The following ZNF254 variants were observed in gnomAD, a reference collection of about 807,000 sequenced individuals.
ZNF254 encodes zinc finger protein 254.
A neutral mutation model predicts 12.4 loss-of-function variants in ZNF254; 10 were observed. That is an observed-to-expected ratio of 0.80 (90% confidence interval 0.50 to 1.36). The LOEUF is 1.36. Ranked by LOEUF, ZNF254 falls within the 40% of genes most tolerant of loss-of-function variation. The pLI is 0.00. For missense variants in ZNF254, 996 were observed against 763.9 expected, an observed-to-expected ratio of 1.30 and a Z score of -3.58; for synonymous variants, 305 against 253.4, an observed-to-expected ratio of 1.20 and a Z score of -1.93.
intron 1 of ZNF254, among the ~76,000 whole-genome samples, chr19:24,040,098 G>C (rs968729328): frequency 6.6e-6 from 1 of 152,126 alleles, no homozygotes; most frequent in Non-Finnish European, 1.5e-5. Flanking sequence ...GAGAAGCTGA[G>C]GGCCAACTCC....
At chr19:24,109,164 C>T (rs1011659713) in intron 3 of ZNF254, among the ~76,000 whole-genome samples, 10 of 152,142 alleles carry the variant, frequency 6.6e-5, no homozygotes, top group Non-Finnish European at 1.3e-4. Flanking sequence ...TGTAAAATAA[C>T]ATGTATTTAA....
In ZNF254 at chr19:24,129,719, C is replaced by T. The variant is rs1975113281; in HGVS notation, c.*1739C>T. On this transcript the variant is annotated 3_prime_UTR_variant, in exon 4 of 4. Transcript: ENST00000357002. Reference sequence around the variant, plus strand: ...TTTTATTACAAGCAATTCAATTGTACACTTTTAGTTATTTTTAAATTTACA... The same window carrying T: ...TTTTATTACAAGCAATTCAATTGTATACTTTTAGTTATTTTTAAATTTACA... 1 of 151,934 alleles carries T rather than the reference C, an allele frequency of 6.6e-6. No homozygotes were observed. Among genetic ancestry groups the T allele is most frequent in the Non-Finnish European group, 1.5e-5 (1 of 67,918 alleles). 9.4% of individuals were successfully genotyped at this position (151,934 alleles called of 1,614,324 possible). A position where few individuals can be genotyped will look rare whatever the true frequency, so the allele number is the denominator to read the frequency against.
At position 24,116,696 on chromosome 19, in the gene ZNF254, C is replaced by T. The variant is rs12611101; in HGVS notation, c.254-9558C>T. On this transcript the variant is annotated intron_variant, in intron 3 of 3. Transcript: ENST00000357002. ...CATCTGAAGGCTTCTTCTCTCAACTCGTCAAAGTCATTCTCCACCCAGCTT... is the reference window on the plus strand; with the variant it reads ...CATCTGAAGGCTTCTTCTCTCAACTTGTCAAAGTCATTCTCCACCCAGCTT... Among the ~76,000 whole-genome samples, 25 of 152,286 alleles carry T rather than the reference C, an allele frequency of 1.6e-4. No individual in the cohort carries two copies. The East Asian group carries it at 4.2e-3, about 26-fold the overall frequency.
chr19:24,091,659 GTTTTTGTATT>G (rs1237822770), intron 1 of ZNF254, among the ~76,000 whole-genome samples: 1 of 151,780 alleles, frequency 6.6e-6, no homozygotes, highest in Non-Finnish European at 1.5e-5. Context: ...CACCTGGCTA[GTTTTTGTATT>G]TTTAGTAGAG....
chr19:24,038,657 C>A (rs1970049876), intron 1 of ZNF254, among the ~76,000 whole-genome samples: 1 of 152,204 alleles, frequency 6.6e-6, no homozygotes, highest in Non-Finnish European at 1.5e-5. Flanking sequence ...TCACAACATA[C>A]AATTGTGCAA....
intron 3 of ZNF254, among the ~76,000 whole-genome samples, chr19:24,118,695 T>C (rs1421338001): frequency 2.0e-5 from 3 of 152,124 alleles, no homozygotes; most frequent in African/African-American, 7.2e-5. Context: ...ATGCAGAAAT[T>C]TGGAAGTGTA....
chr19:24,094,755 C>T (rs557254254), intron 1 of ZNF254, among the ~76,000 whole-genome samples: 38 of 151,954 alleles, frequency 2.5e-4, no homozygotes, highest in African/African-American at 7.7e-4. Context: ...GGCACAATCT[C>T]GGCGCTCTGC....
chr19:24,098,580 G>A (rs185897369), intron 1 of ZNF254: 2 of 152,274 alleles, frequency 1.3e-5, no homozygotes, highest in East Asian at 3.9e-4. Context: ...GCTGAGAGTA[G>A]CTATGCACTT....
At chr19:24,117,838 C>T (rs916198089) in intron 3 of ZNF254, among the ~76,000 whole-genome samples, 3 of 151,952 alleles carry the variant, frequency 2.0e-5, no homozygotes, top group Admixed American at 2.0e-4. Flanking sequence ...GCCATCTTGG[C>T]TGCTCAAGAT....
chr19:24,095,496 C>G (rs952586756), intron 1 of ZNF254, among the ~76,000 whole-genome samples: 5 of 152,174 alleles, frequency 3.3e-5, no homozygotes, highest in Non-Finnish European at 7.4e-5. Context: ...TAGAATTCAG[C>G]TGTGAATCTG....
chr19:24,092,315 C>T (rs1200532195), intron 1 of ZNF254, among the ~76,000 whole-genome samples: 2 of 151,374 alleles, frequency 1.3e-5, no homozygotes, highest in Non-Finnish European at 2.9e-5. Flanking sequence ...TACAGGCACC[C>T]ACCACCACCA....
intron 2 of ZNF254, among the ~76,000 whole-genome samples, chr19:24,054,303 C>T (rs1452240891): frequency 6.6e-6 from 1 of 152,138 alleles, no homozygotes; most frequent in Non-Finnish European, 1.5e-5. Flanking sequence ...TGATGTAACT[C>T]TCTTGCTAAC....
chr19:24,075,777 G>A (rs1261585771), intron 2 of ZNF254, among the ~76,000 whole-genome samples: 2 of 152,200 alleles, frequency 1.3e-5, no homozygotes, highest in Non-Finnish European at 2.9e-5. Flanking sequence ...CAAGCCTGGG[G>A]GCGCTGCAGG....
upstream of ZNF254, among the ~76,000 whole-genome samples, chr19:24,085,757 G>C (rs558423038): frequency 2.0e-5 from 3 of 151,592 alleles, no homozygotes; most frequent in Non-Finnish European, 4.4e-5. Flanking sequence ...GGGCGAAAGA[G>C]CAAGCCTCTC....
At chr19:24,056,855 ATTC>A (rs757476792) in intron 2 of ZNF254, among the ~76,000 whole-genome samples, 11 of 152,130 alleles carry the variant, frequency 7.2e-5, no homozygotes, top group Non-Finnish European at 1.2e-4. Context: ...CCAGGTTTTA[ATTC>A]TTCTGCCTGG....
At chr19:24,045,393 G>T (rs1280576979) in intron 1 of ZNF254, among the ~76,000 whole-genome samples, 1 of 152,092 alleles carries the variant, frequency 6.6e-6, no homozygotes, top group Non-Finnish European at 1.5e-5. Flanking sequence ...AATCTGGCCG[G>T]GCGTGGTGGC....
chr19:24,107,196 T>C, intron 3 of ZNF254: 1 of 642,496 alleles, frequency 1.6e-6, no homozygotes, highest in South Asian at 1.8e-5. Flanking sequence ...AAGTTTATTG[T>C]AGTTTCATGT....
chr19:24,046,373 T>TTATATATATATA (rs34508258), intron 2 of ZNF254: 2,301 of 95,024 alleles, frequency 0.024, 31 homozygotes, highest in Non-Finnish European at 0.028. Context: ...TTATTATTTT[T>TTATATATATATA]TATATATATA....
chr19:24,044,655 A>C (rs1012215190), intron 1 of ZNF254, among the ~76,000 whole-genome samples: 5 of 152,004 alleles, frequency 3.3e-5, no homozygotes, highest in African/African-American at 4.8e-5. Flanking sequence ...TGTGGATCTT[A>C]TATTTCCACA....
Sources: allele counts gnomAD v4.1 joint callset (sites outside exome capture counted in the v4.1 genomes callset), GRCh38; gene constraint gnomAD v4.1.1; transcripts MANE v1.5; gene names NCBI Gene and HGNC (gene_info 2026-07-23, HGNC 2026-07-21).